NFU1: variants seen among roughly 807,000 people sequenced by gnomAD.
The protein encoded by NFU1 is NFU1 iron-sulfur cluster scaffold.
Under a neutral mutation model 32.2 loss-of-function variants are expected in NFU1, and 30 were observed. The observed-to-expected ratio is 0.93, with a 90% CI of 0.70 to 1.26. The LOEUF (loss-of-function observed/expected upper bound fraction) is 1.26, where lower values mean the gene tolerates loss of function less well. NFU1 is among the 50% of genes most tolerant of loss of function. The pLI is 0.00. For missense variants in NFU1, 306 were observed against 306.6 expected (o/e 1.00, Z 0.02); for synonymous variants, 112 against 104.6 (o/e 1.07, Z -0.43).
At chr2:69,396,319 G>T in intron 7 of NFU1, 29 bp from the exon 8 acceptor site, 1 of 1,539,198 alleles carries the variant, frequency 6.5e-7, no homozygotes, top group Non-Finnish European at 8.9e-7. Context: ...GACAATTTAA[G>T]AATTAAGAAA....
At chr2:69,434,724 C>T (rs1451658069) in intron 1 of NFU1, among the ~76,000 whole-genome samples, 1 of 152,226 alleles carries the variant, frequency 6.6e-6, no homozygotes, top group Non-Finnish European at 1.5e-5. Context: ...ACTTTGCCCA[C>T]TGTCCAGATA....
intron 2 of NFU1, among the ~76,000 whole-genome samples, chr2:69,431,528 A>G (rs1673638174): frequency 6.6e-6 from 1 of 152,168 alleles, no homozygotes; most frequent in Non-Finnish European, 1.5e-5. Context: ...GCTGGTCTCA[A>G]ACTCCTGGGC....
chr2:69,398,914 C>A (rs1382222523), intron 7 of NFU1, among the ~76,000 whole-genome samples: 1 of 151,976 alleles, frequency 6.6e-6, no homozygotes, highest in Non-Finnish European at 1.5e-5. Context: ...CTTAAGGGCA[C>A]AGAATTACCT....
At chr2:69,419,218 G>C (rs1002865641) in intron 4 of NFU1, among the ~76,000 whole-genome samples, 1 of 152,014 alleles carries the variant, frequency 6.6e-6, no homozygotes, top group African/African-American at 2.4e-5. Context: ...GGGTGGCGGG[G>C]GGGGGCGCCG....
chr2:69,437,878 T>TC (rs1673912363), upstream of NFU1, among the ~76,000 whole-genome samples: 1 of 152,150 alleles, frequency 6.6e-6, no homozygotes, highest in Non-Finnish European at 1.5e-5. Flanking sequence ...CCTGCCCTTT[T>TC]CCCATGGGTC....
chr2:69,424,209 A>ATG (rs1673377570), intron 2 of NFU1, among the ~76,000 whole-genome samples: 1 of 139,378 alleles, frequency 7.2e-6, no homozygotes, highest in African/African-American at 2.7e-5. Flanking sequence ...ATATATATAT[A>ATG]TATATATATA....
rs61684281 is a variant in NFU1 at position 69,400,705 on chromosome 2, ATT to A, written c.546-169_546-168del. On this transcript the variant is annotated intron_variant, in intron 6 of 7. Transcript: ENST00000410022. ...GTGGCTAAGTTTTATTTAGAATTAA[ATT>A]TTTTTTTTTTACTCTCAGGTAAAAT... Among the ~76,000 whole-genome samples, 12 of 150,002 alleles carry A rather than the reference ATT, an allele frequency of 8.0e-5. No individual in the cohort carries two copies. In the East Asian group the frequency reaches 2.3e-3, roughly 29 times the overall value.
chr2:69,400,392 TA>T lies in NFU1; in HGVS notation c.691del (p.Tyr231IlefsTer5). 6.2e-7 allele frequency: 1 copy of T among 1,614,148 alleles called. No individual in the cohort carries two copies. The highest frequency in any genetic ancestry group is 1.1e-5 in the South Asian group (1 of 91,086). On this transcript the variant is annotated frameshift_variant, in exon 7 of 8. Coordinates refer to ENST00000410022, the MANE Select transcript of NFU1 (RefSeq NM_001002755.4). LOFTEE classifies it high-confidence loss of function. ...KNGIQNMLQF[Y>X]IPEVEGVEQV... ...TTCTACGCCTTCTACCTCCGGAATA[TA>T]AAACTGCAGCATGTTCTGAATTCCA... is the stretch of plus-strand genomic sequence containing the variant.
intron 2 of NFU1, among the ~76,000 whole-genome samples, chr2:69,428,436 A>AG (rs1222565315): frequency 6.6e-6 from 1 of 152,166 alleles, no homozygotes; most frequent in Non-Finnish European, 1.5e-5. Flanking sequence ...CAAAAAAAAA[A>AG]AAATTATTCA....
At chr2:69,426,828 G>A (rs1245108734) in intron 2 of NFU1, among the ~76,000 whole-genome samples, 5 of 151,646 alleles carry the variant, frequency 3.3e-5, no homozygotes, top group Non-Finnish European at 5.9e-5. Context: ...CAGCACTTTG[G>A]GAGGCCGAGG....
At chr2:69,429,618 CA>C (rs1673573311) in intron 2 of NFU1, among the ~76,000 whole-genome samples, 1 of 151,978 alleles carries the variant, frequency 6.6e-6, no homozygotes, top group African/African-American at 2.4e-5. Context: ...ACTACAAATG[CA>C]AAATAAAAAG....
At chr2:69,433,946 T>C (rs1176935352) in intron 1 of NFU1, among the ~76,000 whole-genome samples, 1 of 150,880 alleles carries the variant, frequency 6.6e-6, no homozygotes, top group African/African-American at 2.4e-5. Flanking sequence ...GCTAGTTTTT[T>C]TTTTTTTTTT....
intron 4 of NFU1, among the ~76,000 whole-genome samples, chr2:69,418,537 G>A (rs934280727): frequency 2.6e-5 from 4 of 151,964 alleles, no homozygotes; most frequent in Non-Finnish European, 4.4e-5. Context: ...CCCGATCTCC[G>A]CTCACTGCAA....
intron 5 of NFU1, among the ~76,000 whole-genome samples, chr2:69,409,544 G>A (rs954625290): frequency 3.9e-5 from 6 of 152,142 alleles, no homozygotes; most frequent in African/African-American, 1.4e-4. Flanking sequence ...ACCTGAGACT[G>A]TGCAATTTAC....
intron 4 of NFU1, among the ~76,000 whole-genome samples, chr2:69,417,453 G>T (rs1047015609): frequency 6.6e-6 from 1 of 150,944 alleles, no homozygotes; most frequent in Non-Finnish European, 1.5e-5. Context: ...GACCAGCCTG[G>T]GCAACATAGA....
chr2:69,433,942 T>C (rs1459533892), intron 1 of NFU1, among the ~76,000 whole-genome samples: 19 of 35,312 alleles, frequency 5.4e-4, no homozygotes, highest in Admixed American at 3.3e-3. Flanking sequence ...CCCAGCTAGT[T>C]TTTTTTTTTT....
upstream of NFU1, chr2:69,437,509 GGGAAGA>G: frequency 6.7e-7 from 1 of 1,495,614 alleles, no homozygotes; most frequent in Non-Finnish European, 9.1e-7. Context: ...GGCGGGCACT[GGGAAGA>G]GCCCACCCTA....
At chr2:69,421,974 T>G (rs1338121041) in intron 3 of NFU1, among the ~76,000 whole-genome samples, 4 of 152,102 alleles carry the variant, frequency 2.6e-5, no homozygotes, top group Non-Finnish European at 5.9e-5. Context: ...CTGCAAGTAT[T>G]ATGTTTTTTT....
upstream of NFU1, among the ~76,000 whole-genome samples, chr2:69,438,560 G>C (rs552691773): frequency 1.1e-4 from 17 of 152,226 alleles, 1 homozygote; most frequent in Admixed American, 1.0e-3. Flanking sequence ...ACCCTGCCTA[G>C]TAGTGTTTTA....
Sources: gnomAD v4.1 joint callset for allele counts (sites outside exome capture counted in the v4.1 genomes callset) on GRCh38, gnomAD v4.1.1 for gene constraint, MANE v1.5 for transcripts, NCBI Gene and HGNC (gene_info 2026-07-23, HGNC 2026-07-21) for gene names.